The following DRC1 variants were observed in gnomAD, a reference collection of about 807,000 sequenced individuals.
DRC1 encodes the protein dynein regulatory complex subunit 1, also known as dynein regulatory complex protein 1.
Under a neutral mutation model 98.7 loss-of-function variants are expected in DRC1, and 74 were observed. The ratio of observed to expected loss-of-function variants is 0.75; its 90% CI spans 0.62 to 0.91. The LOEUF (loss-of-function observed/expected upper bound fraction) is 0.91. DRC1 is among the 40% of genes least tolerant of loss of function. The pLI is 0.00. For synonymous variants in DRC1, 336 were observed against 334.1 expected, an observed-to-expected ratio of 1.01 and a Z score of -0.06; for missense variants, 875 against 886.0, an observed-to-expected ratio of 0.99 and a Z score of 0.16.
rs1375636244 is a variant in DRC1, at chr2:26,444,783, G to A, written c.1231G>A (p.Asp411Asn). ...GCTGATGAATGAAGAGGAGGCGAAG[G>A]ACCTAATAGCCAGAGCCTTTGATGT... Reference protein sequence around the residue: ...IWLMNEEEAKDLIARAFDVDR... With the variant: ...IWLMNEEEAKNLIARAFDVDR... The change falls in exon 10 of 17, where the codon GAC (aspartate) becomes AAC (asparagine). Residue 411 changes from aspartate (D) to asparagine (N), a missense_variant. Transcript: ENST00000288710. The A allele has an allele frequency of 6.2e-7, 1 of 1,614,162 alleles. No homozygotes were observed. Among genetic ancestry groups the A allele is most frequent in the South Asian group, 1.1e-5 (1 of 91,078 alleles).
chr2:26,444,073 G>A lies in DRC1; in HGVS notation c.1029-149G>A, dbSNP rs112062893. The stretch of plus-strand genomic sequence containing the variant: ...TGCCTTCCTTTTGTTGATCAAAATG[G>A]GATCTGTGTTTTGGAATATATGGGA... On this transcript the variant is annotated intron_variant, in intron 8 of 16. Transcript: ENST00000288710. 7.8e-4 allele frequency: 855 copies of A among 1,101,302 alleles called. 7 individuals carry two copies. Among genetic ancestry groups the A allele is most frequent in the African/African-American group, 1.9e-4 (12 of 62,734 alleles). The allele number at this position is 1,101,302 out of a possible 1,614,324, so 68.2% of individuals were successfully genotyped here.
At position 26,454,929 on chromosome 2, in the gene DRC1, G is replaced by A. The variant is rs1664103582; in HGVS notation, c.2063+139G>A. Reference sequence around the variant, plus strand: ...GCCCTTGGCATCTCCTGTGTGGGTGGATCATGTGGGGCAGTTGGCTCTTGG... The same window carrying A: ...GCCCTTGGCATCTCCTGTGTGGGTGAATCATGTGGGGCAGTTGGCTCTTGG... On this transcript the variant is annotated intron_variant, in intron 15 of 16. Transcript: ENST00000288710. This position sits in a 1 kb window ranked among gnomAD's most constrained non-coding sequence, Gnocchi z 5.2. 2 of 1,463,394 alleles carry A rather than the reference G, an allele frequency of 1.4e-6. No individual in the cohort carries two copies. Among genetic ancestry groups the A allele is most frequent in the South Asian group, 1.3e-5 (1 of 79,458 alleles). The allele number at this position is 1,463,394 out of a possible 1,614,324, so 90.7% of individuals were successfully genotyped here. A position where few individuals can be genotyped will look rare whatever the true frequency, so the allele number is the denominator to read the frequency against.
At position 26,454,620 on chromosome 2, in the gene DRC1, G is replaced by T; in HGVS notation, c.1920-27G>T. 1 of 1,612,890 alleles carries T rather than the reference G, an allele frequency of 6.2e-7. No homozygotes were observed. The highest frequency in any genetic ancestry group is 8.5e-7 in the Non-Finnish European group (1 of 1,179,352). ...GGCCTGGGTAGTACCCAATGGACAT[G>T]ACAATCACTGTGCTCTTGGCCTTCA... On this transcript the variant is annotated intron_variant, in intron 14 of 16. Transcript: ENST00000288710. The surrounding 1 kb of genome is among the most constrained non-coding windows in gnomAD (Gnocchi z 5.2).
At chr2:26,450,921 C>T (rs985661978) in intron 13 of DRC1, among the ~76,000 whole-genome samples, 1 of 151,102 alleles carries the variant, frequency 6.6e-6, no homozygotes, top group African/African-American at 2.4e-5. Context: ...ATGTTTCCCT[C>T]CCTGTGTCCA....
At chr2:26,420,230 G>A (rs1195400641) in intron 2 of DRC1, among the ~76,000 whole-genome samples, 2 of 152,122 alleles carry the variant, frequency 1.3e-5, no homozygotes, top group Non-Finnish European at 2.9e-5. Context: ...TACTTCTCCT[G>A]TGTCACTGAT....
intron 1 of DRC1, among the ~76,000 whole-genome samples, chr2:26,406,446 C>T (rs527934550): frequency 3.9e-5 from 6 of 152,288 alleles, no homozygotes; most frequent in South Asian, 2.1e-4. Context: ...TGGTGGCTCA[C>T]GCCTATAATC....
In DRC1 at chr2:26,421,269, C is replaced by T; in HGVS notation, c.244-19C>T. 2 of 1,607,644 alleles carry T rather than the reference C, an allele frequency of 1.2e-6. No individual in the cohort carries two copies. The highest frequency in any genetic ancestry group is 1.3e-5 in the African/African-American group (1 of 74,732). On this transcript the variant is annotated intron_variant, in intron 2 of 16. Coordinates refer to ENST00000288710, the MANE Select transcript of DRC1 (RefSeq NM_145038.5). ...ACAAAGTGTTCTAGCTTTGTAAATT[C>T]TTATATCTCTCTTTTTAGAAATTGG... is the stretch of plus-strand genomic sequence containing the variant.
chr2:26,433,579 A>C (rs1663492471), intron 7 of DRC1, among the ~76,000 whole-genome samples: 1 of 152,226 alleles, frequency 6.6e-6, no homozygotes, highest in African/African-American at 2.4e-5. Flanking sequence ...TTCTGTGATA[A>C]TTTATGTGAC....
At chr2:26,412,985 T>C (rs1318056074) in intron 1 of DRC1, among the ~76,000 whole-genome samples, 1 of 152,186 alleles carries the variant, frequency 6.6e-6, no homozygotes, top group Non-Finnish European at 1.5e-5. Context: ...GGTTTCACCG[T>C]GTTAGCCAGG....
Position 26,402,035 on chromosome 2 carries a change from G to T in DRC1, c.46G>T (p.Glu16Ter), listed in dbSNP as rs149082901. ...SLEALDPNVD[E>*]HLSTQILAPS... ...AGAGGCCCTGGACCCGAACGTGGAC[G>T]AGCACTTGTCCACCCAGATTCTCGC... The change falls in exon 1 of 17, where the codon GAG becomes TAG. Residue 16 changes from glutamate (E) to a stop codon, truncating the protein, a stop_gained. Transcript: ENST00000288710. LOFTEE classifies it high-confidence loss of function. The T allele has an allele frequency of 6.2e-7, 1 of 1,612,852 alleles. No homozygotes were observed. The highest frequency in any genetic ancestry group is 1.3e-5 in the African/African-American group (1 of 74,904).
intron 4 of DRC1, among the ~76,000 whole-genome samples, chr2:26,428,999 A>C (rs767992817): frequency 1.3e-5 from 2 of 152,084 alleles, no homozygotes; most frequent in African/African-American, 2.4e-5. Flanking sequence ...TTAATTGCTC[A>C]GCTAGGACAC....
At chr2:26,418,430 G>T (rs1434709911) in intron 2 of DRC1, among the ~76,000 whole-genome samples, 2 of 147,594 alleles carry the variant, frequency 1.4e-5, no homozygotes, top group Admixed American at 7.1e-5. Context: ...ACTCTGAGGT[G>T]TGTCTGAATT....
chr2:26,453,433 C>A lies in DRC1; in HGVS notation c.1803C>A (p.Ser601Arg). 1.2e-6 allele frequency: 2 copies of A among 1,614,056 alleles called. No individual in the cohort carries two copies. The highest frequency in any genetic ancestry group is 2.7e-5 in the African/African-American group (2 of 75,026). The stretch of plus-strand genomic sequence containing the variant: ...AGATGGAGGGAGAAAAGGAAGAAAG[C>A]CTGGTGGAAGGGGAGAAGGAGGAAG... Reference protein sequence around the residue: ...QTEMEGEKEESLVEGEKEEEE... With the variant: ...QTEMEGEKEERLVEGEKEEEE... Residue 601 changes from serine (S) to arginine (R), a missense_variant, in exon 14 of 17, where the codon AGC becomes AGA. By Grantham distance (110) the Ser-to-Arg change is moderately radical (BLOSUM62 -1). Coordinates refer to ENST00000288710, the MANE Select transcript of DRC1 (RefSeq NM_145038.5).
chr2:26,424,207 C>A (rs1663223994), intron 3 of DRC1, 64 bp from the exon 4 acceptor site: 1 of 1,587,620 alleles, frequency 6.3e-7, no homozygotes, highest in Admixed American at 1.7e-5. Context: ...AGAGAACGTA[C>A]CTGCTCTACT....
intron 2 of DRC1, among the ~76,000 whole-genome samples, chr2:26,415,868 G>A (rs1479615873): frequency 6.6e-6 from 1 of 150,572 alleles, no homozygotes; most frequent in Admixed American, 6.6e-5. Context: ...CGAGGTGGAG[G>A]TTGCAGTGAT....
rs1333711600 is a variant in DRC1, at chr2:26,424,323, A to G, written c.409A>G (p.Ile137Val). Residue 137 changes from isoleucine to valine, a missense_variant, in exon 4 of 17, where the codon ATC becomes GTC. Physicochemically the swap from Ile to Val is conservative, Grantham distance 29. Coordinates refer to ENST00000288710, the MANE Select transcript of DRC1 (RefSeq NM_145038.5). ...GACCAGCCAGGACAAATTCGATGAA[A>G]TCACCTCAAAGTGGGAAGAGGGCAA... The part of the protein sequence containing the change: ...VKTSQDKFDE[I>V]TSKWEEGKQK... The G allele has an allele frequency of 6.2e-7, 1 of 1,613,962 alleles. No homozygotes were observed. The highest frequency in any genetic ancestry group is 8.5e-7 in the Non-Finnish European group (1 of 1,180,012).
At chr2:26,438,111 A>AT (rs1663621808) in intron 7 of DRC1, among the ~76,000 whole-genome samples, 1 of 148,992 alleles carries the variant, frequency 6.7e-6, no homozygotes, top group African/African-American at 2.5e-5. Context: ...AAAAAAAAAA[A>AT]GGATTCTGTA....
At chr2:26,410,305 CTT>C (rs1219156060) in intron 1 of DRC1, among the ~76,000 whole-genome samples, 3 of 150,026 alleles carry the variant, frequency 2.0e-5, no homozygotes, top group Non-Finnish European at 4.4e-5. Context: ...GAGTTTCACT[CTT>C]GTTGCCCAGG....
Position 26,402,151 on chromosome 2 carries a change from G to A in DRC1, c.155+7G>A. ...GCTTAGAAGCCCGGAGGCGGTGAGC[G>A]CGGGGGCGGGCGGGGCGGGATCCGC... On this transcript the variant is annotated splice_region_variant and intron_variant, in intron 1 of 16. Transcript: ENST00000288710. 1 of 1,579,460 alleles carries A rather than the reference G, an allele frequency of 6.3e-7. No individual in the cohort carries two copies. Among genetic ancestry groups the A allele is most frequent in the African/African-American group, 1.4e-5 (1 of 73,902 alleles).
Sources: allele counts gnomAD v4.1 joint callset (sites outside exome capture counted in the v4.1 genomes callset), GRCh38; gene constraint gnomAD v4.1.1; non-coding constraint Gnocchi (gnomAD v3.1); transcripts MANE v1.5; gene names NCBI Gene and HGNC (gene_info 2026-07-23, HGNC 2026-07-21).